Variants in SMIM35 observed in about 807,000 individuals in gnomAD.
SMIM35 encodes TMPRSS4 antisense RNA 1 (non-protein coding).
chr11:118,049,697 T>A (rs1358464991), intron 1 of SMIM35, among the ~76,000 whole-genome samples: 1 of 152,144 alleles, frequency 6.6e-6, no homozygotes, highest in East Asian at 1.9e-4. Context: ...TTTTTAATGG[T>A]CATATATGTT....
At chr11:118,073,084 A>AT (rs1422414408) in intron 1 of SMIM35, among the ~76,000 whole-genome samples, 1 of 152,134 alleles carries the variant, frequency 6.6e-6, no homozygotes, top group African/African-American at 2.4e-5. Context: ...CGCCCGGCTA[A>AT]TTTTTTTGGT....
chr11:118,039,473 G>A (rs1293019283), intron 1 of SMIM35, among the ~76,000 whole-genome samples: 1 of 152,168 alleles, frequency 6.6e-6, no homozygotes, highest in East Asian at 1.9e-4. Context: ...ACTTTGGAAG[G>A]CTGAGGTGGG....
intron 1 of SMIM35, among the ~76,000 whole-genome samples, chr11:118,072,998 G>A (rs1411036042): frequency 6.6e-6 from 1 of 152,246 alleles, no homozygotes; most frequent in African/African-American, 2.4e-5. Context: ...TTGGGTCACT[G>A]CAACCTCCAC....
chr11:118,034,228 G>A (rs1436753181), intron 1 of SMIM35, among the ~76,000 whole-genome samples: 2 of 152,096 alleles, frequency 1.3e-5, no homozygotes, highest in Admixed American at 6.6e-5. Context: ...ATCTGAGATC[G>A]TGCCATTCAT....
chr11:118,058,279 A>G (rs1406578606), intron 1 of SMIM35, among the ~76,000 whole-genome samples: 1 of 152,144 alleles, frequency 6.6e-6, no homozygotes, highest in Non-Finnish European at 1.5e-5. Context: ...CCCCACGGTA[A>G]TTGGCTGTCT....
At chr11:118,052,323 G>C (rs1268902313) in intron 1 of SMIM35, among the ~76,000 whole-genome samples, 1 of 151,670 alleles carries the variant, frequency 6.6e-6, no homozygotes, top group Non-Finnish European at 1.5e-5. Flanking sequence ...AGGAGTGAGA[G>C]GGAAGTGGGT....
At chr11:118,020,037 C>T (rs59198393) in intron 1 of SMIM35, among the ~76,000 whole-genome samples, 14,615 of 152,132 alleles carry the variant, frequency 0.096, 981 homozygotes, top group East Asian at 0.37. Context: ...CCAAGGTTGT[C>T]GGATCAACTG....
chr11:118,029,583 CCT>C (rs1434519456), intron 1 of SMIM35: 1 of 454,080 alleles, frequency 2.2e-6, no homozygotes, highest in South Asian at 1.6e-5. Context: ...GGACTTACCC[CCT>C]GTCTGCTTCT....
intron 1 of SMIM35, among the ~76,000 whole-genome samples, chr11:118,085,740 T>A (rs948782556): frequency 6.6e-6 from 1 of 152,180 alleles, no homozygotes; most frequent in Non-Finnish European, 1.5e-5. Context: ...CTGAACTGTG[T>A]GGCGGGACCC....
At chr11:118,036,317 C>T (rs1232388438) in intron 1 of SMIM35, among the ~76,000 whole-genome samples, 1 of 152,212 alleles carries the variant, frequency 6.6e-6, no homozygotes, top group Non-Finnish European at 1.5e-5. Flanking sequence ...TTTCTAATTG[C>T]TGGTGAGTCT....
chr11:118,015,129 A>G (rs919728418), intron 2 of SMIM35, among the ~76,000 whole-genome samples: 18 of 152,254 alleles, frequency 1.2e-4, no homozygotes, highest in Admixed American at 5.9e-4. Context: ...TGCTCAACAA[A>G]TATCCATGGA....
intron 1 of SMIM35, among the ~76,000 whole-genome samples, chr11:118,038,296 T>C (rs1286862746): frequency 2.0e-5 from 3 of 152,256 alleles, no homozygotes; most frequent in Non-Finnish European, 4.4e-5. Flanking sequence ...TGTGTTTGTT[T>C]TCATTTTTGT....
At chr11:118,033,493 T>C (rs2058335143) in intron 1 of SMIM35, among the ~76,000 whole-genome samples, 1 of 152,060 alleles carries the variant, frequency 6.6e-6, no homozygotes. Context: ...AACTGCCTTC[T>C]CTGTATAGTC....
At chr11:118,009,961 A>G (rs973105004) in intron 4 of SMIM35, among the ~76,000 whole-genome samples, 1 of 152,194 alleles carries the variant, frequency 6.6e-6, no homozygotes. Context: ...GTGAGGGTGC[A>G]GACTCTGCTC....
At chr11:118,055,534 G>A (rs534155987) in intron 1 of SMIM35, among the ~76,000 whole-genome samples, 125 of 152,224 alleles carry the variant, frequency 8.2e-4, no homozygotes, top group Non-Finnish European at 1.4e-3. Context: ...TCTTTTGGTG[G>A]GGCATGTCTT....
chr11:118,076,186 C>A (rs1003343794), intron 1 of SMIM35, among the ~76,000 whole-genome samples: 2 of 152,192 alleles, frequency 1.3e-5, no homozygotes, highest in African/African-American at 4.8e-5. Context: ...GCAGGAGAAT[C>A]ACTTGAACCT....
intron 1 of SMIM35, among the ~76,000 whole-genome samples, chr11:118,048,946 C>CAAAAAAAAAAAAAAA (rs57261529): frequency 0.065 from 3,935 of 60,090 alleles, 774 homozygotes; most frequent in South Asian, 0.072. Flanking sequence ...TGAAGAGCTG[C>CAAAAAAAAAAAAAAA]AAAAAAAAAA....
At chr11:118,020,748 T>C (rs776489034) in intron 1 of SMIM35, among the ~76,000 whole-genome samples, 14 of 151,922 alleles carry the variant, frequency 9.2e-5, no homozygotes, top group Admixed American at 3.3e-4. Flanking sequence ...ATATGTAGAC[T>C]ATTATATTGT....
At position 118,004,135 on chromosome 11, in the gene SMIM35, C is replaced by G. The variant is rs2058110967; in HGVS notation, c.*2275G>C. The G allele has an allele frequency of 6.6e-6, 1 of 152,236 alleles. No homozygotes were observed. The highest frequency in any genetic ancestry group is 1.5e-5 in the Non-Finnish European group (1 of 68,072). 9.4% of individuals were successfully genotyped at this position (152,236 alleles called of 1,614,324 possible). A position where few individuals can be genotyped will look rare whatever the true frequency, so the allele number is the denominator to read the frequency against. Reference sequence around the variant, plus strand: ...TCTCTTCCACTTTCTTACAAGGGCACTAATCCCATCATGGAGGCCCCATCC... The same window carrying G: ...TCTCTTCCACTTTCTTACAAGGGCAGTAATCCCATCATGGAGGCCCCATCC... On this transcript the variant is annotated 3_prime_UTR_variant, in exon 5 of 5. Coordinates refer to ENST00000689828, the MANE Select transcript of SMIM35 (RefSeq NM_001394165.1).
Sources: gnomAD v4.1 joint callset for allele counts (sites outside exome capture counted in the v4.1 genomes callset) on GRCh38, gnomAD v4.1.1 for gene constraint, MANE v1.5 for transcripts, NCBI Gene and HGNC (gene_info 2026-07-23, HGNC 2026-07-21) for gene names.